Variants in DIAPH2 observed in about 807,000 individuals in gnomAD.
The protein encoded by DIAPH2 is diaphanous related formin 2.
DIAPH2 carries 35 observed loss-of-function variants against 92.7 expected under a neutral mutation model. That is an observed-to-expected ratio of 0.38 (90% CI 0.29 to 0.50). The LOEUF is 0.50. DIAPH2 is among the 20% of genes least tolerant of loss of function. The probability of loss-of-function intolerance (pLI) is 0.94; values close to 1 mark genes in which losing one functional copy is unlikely to be tolerated. For synonymous variants in DIAPH2, 301 were observed against 280.4 expected (o/e 1.07, Z -0.73); for missense variants, 701 against 819.5 (o/e 0.86, Z 1.77).
At chrX:97,165,929 T>C (rs1053193553) in intron 22 of DIAPH2, among the ~76,000 whole-genome samples, 3 of 111,130 alleles carry the variant, frequency 2.7e-5, no homozygotes, top group Non-Finnish European at 5.7e-5. Flanking sequence ...CTCCTCCTCC[T>C]CTTTTTTTCT....
chrX:97,430,778 A>G (rs1278420168), intron 26 of DIAPH2, among the ~76,000 whole-genome samples: 2 of 112,210 alleles, frequency 1.8e-5, no homozygotes, highest in East Asian at 5.6e-4. Flanking sequence ...ATAGTTGTCC[A>G]GGAAAGCTTT....
intron 3 of DIAPH2, among the ~76,000 whole-genome samples, chrX:96,740,634 CTG>C (rs1184234924): frequency 1.8e-5 from 2 of 111,668 alleles, no homozygotes; most frequent in Middle Eastern, 4.2e-3. Context: ...TTTGTAATAA[CTG>C]TTACATTTGT....
intron 16 of DIAPH2, among the ~76,000 whole-genome samples, chrX:96,959,443 T>G (rs1180891860): frequency 8.9e-6 from 1 of 111,878 alleles, no homozygotes; most frequent in Non-Finnish European, 1.9e-5. Flanking sequence ...AAATGTCTAC[T>G]TAAATTATTT....
chrX:96,906,320 G>A (rs936909265), intron 5 of DIAPH2, among the ~76,000 whole-genome samples: 2 of 111,480 alleles, frequency 1.8e-5, no homozygotes, highest in African/African-American at 6.5e-5. Context: ...TCATCTGCAT[G>A]TTTTGTAAAA....
chrX:97,317,788 C>A (rs1232643825), intron 23 of DIAPH2, among the ~76,000 whole-genome samples: 1 of 111,922 alleles, frequency 8.9e-6, no homozygotes, highest in Admixed American at 9.6e-5. Context: ...TGTATCCTGA[C>A]CTTGTCCGTG....
chrX:96,871,388 T>A (rs2065140826), intron 4 of DIAPH2, among the ~76,000 whole-genome samples: 1 of 95,505 alleles, frequency 1.0e-5, no homozygotes, highest in Admixed American at 1.4e-4. Context: ...GAGAATGGTG[T>A]GAACCTGGTA....
intron 4 of DIAPH2, among the ~76,000 whole-genome samples, chrX:96,803,648 A>T (rs1320849601): frequency 8.9e-6 from 1 of 112,532 alleles, no homozygotes; most frequent in Non-Finnish European, 1.9e-5. Context: ...ATTATCTACG[A>T]TCTTTTTCTT....
At chrX:97,229,703 A>T (rs1198687474) in intron 22 of DIAPH2, among the ~76,000 whole-genome samples, 1 of 108,968 alleles carries the variant, frequency 9.2e-6, no homozygotes, top group Non-Finnish European at 1.9e-5. Context: ...ATGTGAGACT[A>T]GAAGACCATT....
intron 26 of DIAPH2, among the ~76,000 whole-genome samples, chrX:97,578,093 CTTTTT>C (rs201313921): frequency 1.1e-5 from 1 of 90,824 alleles, no homozygotes; most frequent in Admixed American, 1.2e-4. Context: ...TGTTTTCTTT[CTTTTT>C]TTTTTTTTTT....
intron 23 of DIAPH2, among the ~76,000 whole-genome samples, chrX:97,347,618 T>C (rs1427677450): frequency 9.0e-6 from 1 of 111,199 alleles, no homozygotes; most frequent in African/African-American, 3.3e-5. Context: ...AATTTAAAGA[T>C]CTTCAAGTCT....
chrX:97,598,574 A>G (rs1450176788), intron 26 of DIAPH2, among the ~76,000 whole-genome samples: 1 of 112,100 alleles, frequency 8.9e-6, no homozygotes, highest in Non-Finnish European at 1.9e-5. Flanking sequence ...CCTTTTCCCT[A>G]TTAAAGCTAG....
chrX:97,374,409 CCTAA>C (rs1368605036), intron 24 of DIAPH2, among the ~76,000 whole-genome samples: 2 of 111,843 alleles, frequency 1.8e-5, no homozygotes, highest in African/African-American at 3.3e-5. Flanking sequence ...TACTGAGGCA[CCTAA>C]CTACTTGAGC....
chrX:97,385,088 GAACAA>G (rs997134900), intron 25 of DIAPH2, among the ~76,000 whole-genome samples: 22 of 110,044 alleles, frequency 2.0e-4, no homozygotes, highest in African/African-American at 6.3e-4. Flanking sequence ...GAGAATTTAG[GAACAA>G]AACAAAACAA....
chrX:97,486,773 AAACTT>A (rs2070691579), intron 26 of DIAPH2, among the ~76,000 whole-genome samples: 1 of 109,668 alleles, frequency 9.1e-6, no homozygotes, highest in South Asian at 3.9e-4. Context: ...TGTAGGAAGA[AAACTT>A]AACAAGAGAT....
At chrX:97,087,949 T>G (rs762245142) in intron 19 of DIAPH2, among the ~76,000 whole-genome samples, 2 of 111,364 alleles carry the variant, frequency 1.8e-5, no homozygotes, top group Admixed American at 1.9e-4. Context: ...TTTTCTCACC[T>G]CCCATGCCCA....
At chrX:96,714,091 A>G (rs1193416094) in intron 1 of DIAPH2, among the ~76,000 whole-genome samples, 2 of 110,960 alleles carry the variant, frequency 1.8e-5, no homozygotes, top group African/African-American at 6.6e-5. Flanking sequence ...GGATTTTTGC[A>G]TAGGTTGTTC....
intron 23 of DIAPH2, among the ~76,000 whole-genome samples, chrX:97,300,769 A>G (rs1489878143): frequency 3.3e-5 from 3 of 90,981 alleles, no homozygotes; most frequent in Non-Finnish European, 6.6e-5. Flanking sequence ...CGTCTCTACT[A>G]AAAATACAAA....
intron 4 of DIAPH2, among the ~76,000 whole-genome samples, chrX:96,869,589 C>CTACTAA (rs1193760691): frequency 9.3e-6 from 1 of 107,604 alleles, no homozygotes; most frequent in African/African-American, 3.5e-5. Context: ...ACTACTACTA[C>CTACTAA]TACTAATACT....
At chrX:97,093,741 G>C (rs1033711618) in intron 19 of DIAPH2, among the ~76,000 whole-genome samples, 2 of 111,773 alleles carry the variant, frequency 1.8e-5, no homozygotes, top group Non-Finnish European at 3.8e-5. Context: ...TTTGCAAATA[G>C]GATCATGACA....
Sources: gnomAD v4.1 joint callset for allele counts (sites outside exome capture counted in the v4.1 genomes callset) on GRCh38, gnomAD v4.1.1 for gene constraint, MANE v1.5 for transcripts, NCBI Gene and HGNC (gene_info 2026-07-23, HGNC 2026-07-21) for gene names.